Variants in PSD3 observed in about 807,000 individuals in gnomAD.
The protein encoded by PSD3 is pleckstrin and Sec7 domain containing 3, also known as PH and SEC7 domain-containing protein 3.
In PSD3, 49 loss-of-function variants were observed where a neutral mutation model predicts 105.5. The observed-to-expected ratio is 0.46, with a 90% confidence interval of 0.37 to 0.59. The LOEUF (loss-of-function observed/expected upper bound fraction) is 0.59. Ranked by LOEUF, PSD3 falls within the 20% of genes least tolerant of loss-of-function variation. The probability of loss-of-function intolerance (pLI) is 0.00; values close to 1 mark genes in which losing one functional copy is unlikely to be tolerated. For synonymous variants in PSD3, 557 were observed against 457.8 expected (o/e 1.22, Z -2.77); for missense variants, 1,561 against 1,263.8 (o/e 1.24, Z -3.57).
chr8:18,929,048 A>G (rs1821567429), intron 2 of PSD3, among the ~76,000 whole-genome samples: 1 of 152,170 alleles, frequency 6.6e-6, no homozygotes, highest in African/African-American at 2.4e-5. Flanking sequence ...CAATTCTATG[A>G]ACGTACTAAA....
At chr8:19,034,853 G>A (rs941814061) in intron 1 of PSD3, among the ~76,000 whole-genome samples, 16 of 152,104 alleles carry the variant, frequency 1.1e-4, no homozygotes, top group African/African-American at 3.6e-4. Flanking sequence ...CTCCAGATAC[G>A]TGAAGATAGT....
chr8:18,917,221 T>A (rs1237572951), intron 2 of PSD3, among the ~76,000 whole-genome samples: 1 of 152,206 alleles, frequency 6.6e-6, no homozygotes. Flanking sequence ...CAGGTCTTCA[T>A]TATGTGTCCC....
At chr8:19,074,015 C>T (rs1829362948) in intron 1 of PSD3, among the ~76,000 whole-genome samples, 1 of 152,080 alleles carries the variant, frequency 6.6e-6, no homozygotes, top group African/African-American at 2.4e-5. Flanking sequence ...TGGTCTCGAT[C>T]TCCTGACCTC....
intron 1 of PSD3, among the ~76,000 whole-genome samples, chr8:18,987,366 C>A (rs900619060): frequency 6.6e-6 from 1 of 151,894 alleles, no homozygotes; most frequent in Non-Finnish European, 1.5e-5. Flanking sequence ...CGGCTCACTG[C>A]AAGCTCTGCC....
intron 11 of PSD3, among the ~76,000 whole-genome samples, chr8:18,629,699 A>T (rs1358949968): frequency 6.6e-6 from 1 of 152,002 alleles, no homozygotes; most frequent in Non-Finnish European, 1.5e-5. Flanking sequence ...CCGTCATAGG[A>T]TGGGAGTAAT....
intron 4 of PSD3, among the ~76,000 whole-genome samples, chr8:18,828,037 A>ATATATATATATATATAT (rs1491233090): frequency 7.7e-6 from 1 of 130,546 alleles, no homozygotes; most frequent in African/African-American, 3.1e-5. Flanking sequence ...CATATATATA[A>ATATATATATATATATAT]TATATATATG....
At chr8:18,969,409 C>A (rs983271771) in intron 1 of PSD3, among the ~76,000 whole-genome samples, 1 of 152,172 alleles carries the variant, frequency 6.6e-6, no homozygotes, top group African/African-American at 2.4e-5. Flanking sequence ...TAGAAATCAA[C>A]GGTACACCAT....
chr8:18,858,328 T>C (rs905689989), intron 4 of PSD3, among the ~76,000 whole-genome samples: 5 of 152,234 alleles, frequency 3.3e-5, no homozygotes, highest in African/African-American at 1.2e-4. Flanking sequence ...ATGCTAATGA[T>C]CATCTGAGTA....
chr8:18,968,514 A>T (rs955735383), intron 1 of PSD3, among the ~76,000 whole-genome samples: 1 of 152,158 alleles, frequency 6.6e-6, no homozygotes, highest in Admixed American at 6.5e-5. Flanking sequence ...TTCTTTATAG[A>T]CATCTCAAGA....
chr8:19,038,630 T>C (rs1828024184), intron 1 of PSD3, among the ~76,000 whole-genome samples: 1 of 152,020 alleles, frequency 6.6e-6, no homozygotes, highest in Non-Finnish European at 1.5e-5. Context: ...CCAGCTAATT[T>C]TTTTATTTTT....
chr8:18,592,411 T>C (rs776020095), intron 12 of PSD3, among the ~76,000 whole-genome samples: 1 of 151,814 alleles, frequency 6.6e-6, no homozygotes, highest in Non-Finnish European at 1.5e-5. Flanking sequence ...ATTATGGAAA[T>C]CCAAGAAAGA....
rs577880411 is a variant in PSD3 at position 18,930,304 on chromosome 8, C to G, written c.130+5730G>C. ...CTCCAGTGCATACTGCATACTAAAT[C>G]AAAGCCAATTAAGGCAAAAGAAGGG... On this transcript the variant is annotated intron_variant, in intron 2 of 15. Transcript: ENST00000327040. Among the ~76,000 whole-genome samples, 77 of 152,280 alleles carry G rather than the reference C, an allele frequency of 5.1e-4. 1 individual carries two copies. The South Asian group carries it at 0.016, about 31-fold the overall frequency.
intron 1 of PSD3, among the ~76,000 whole-genome samples, chr8:18,995,525 A>G (rs1417271448): frequency 1.3e-5 from 2 of 152,052 alleles, no homozygotes; most frequent in African/African-American, 4.8e-5. Flanking sequence ...AAGGAGGAAA[A>G]ATAAACCAGG....
chr8:18,732,470 G>C (rs565842225), intron 9 of PSD3, among the ~76,000 whole-genome samples: 1 of 152,356 alleles, frequency 6.6e-6, no homozygotes, highest in African/African-American at 2.4e-5. Context: ...AGTGAGAACA[G>C]GATGTCTCAA....
intron 10 of PSD3, among the ~76,000 whole-genome samples, chr8:18,642,583 C>T (rs1807730429): frequency 6.6e-6 from 1 of 152,090 alleles, no homozygotes; most frequent in Non-Finnish European, 1.5e-5. Context: ...TTCTTTGCTC[C>T]TCAGTGATTC....
At chr8:18,783,049 T>C (rs1009006149) in intron 8 of PSD3, among the ~76,000 whole-genome samples, 6 of 152,234 alleles carry the variant, frequency 3.9e-5, no homozygotes, top group African/African-American at 7.2e-5. Context: ...TCTTTTTTTC[T>C]GAAGGGTGTA....
intron 1 of PSD3, among the ~76,000 whole-genome samples, chr8:19,020,194 A>G (rs780853390): frequency 6.6e-6 from 1 of 152,188 alleles, no homozygotes; most frequent in Admixed American, 6.5e-5. Flanking sequence ...AAGACAGAAA[A>G]TAAGCAAGAT....
chr8:18,627,035 A>C (rs1806530453), intron 11 of PSD3, among the ~76,000 whole-genome samples: 1 of 152,144 alleles, frequency 6.6e-6, no homozygotes, highest in Admixed American at 6.6e-5. Context: ...ACTGCTATAG[A>C]AACTGCCCTA....
chr8:18,552,830 C>G (rs543561861), intron 15 of PSD3, among the ~76,000 whole-genome samples: 1 of 152,250 alleles, frequency 6.6e-6, no homozygotes, highest in East Asian at 1.9e-4. Flanking sequence ...TCAGTAACAT[C>G]CCTTCGCTTA....
Sources: allele counts gnomAD v4.1 joint callset (sites outside exome capture counted in the v4.1 genomes callset), GRCh38; gene constraint gnomAD v4.1.1; transcripts MANE v1.5; gene names NCBI Gene and HGNC (gene_info 2026-07-23, HGNC 2026-07-21).